Variants in OPCML observed in about 807,000 individuals in gnomAD.
OPCML encodes opioid-binding protein/cell adhesion molecule.
Under a neutral mutation model 37.8 loss-of-function variants are expected in OPCML, and 13 were observed. That is an observed-to-expected ratio of 0.34 (90% CI 0.22 to 0.55). The LOEUF (loss-of-function observed/expected upper bound fraction) is 0.55. OPCML is among the 20% of genes least tolerant of loss of function. The pLI, the probability that OPCML is intolerant of heterozygous loss-of-function variation, is 0.91. For missense variants in OPCML, 341 were observed against 435.6 expected (o/e 0.78, Z 1.93); for synonymous variants, 176 against 168.8 (o/e 1.04, Z -0.33).
intron 1 of OPCML, among the ~76,000 whole-genome samples, chr11:133,479,302 A>G (rs966165204): frequency 1.3e-5 from 2 of 152,172 alleles, no homozygotes; most frequent in Non-Finnish European, 2.9e-5. Context: ...ACAGTGGCAC[A>G]TTCATGGCCA....
rs547932886 is a variant in OPCML, at chr11:132,943,981, T to A, written c.62-971A>T. ...ATCCCTGACCGCCACTTTCTCCCGG[T>A]GCCGCCTCGGAGCGAGCGGGCTGGC... On this transcript the variant is annotated intron_variant, in intron 1 of 7. Coordinates refer to ENST00000524381, the MANE Select transcript of OPCML (RefSeq NM_001012393.5). This position sits in a 1 kb window ranked among gnomAD's most constrained non-coding sequence, Gnocchi z 4.3. Among the ~76,000 whole-genome samples the A allele has an allele frequency of 4.6e-5, 7 of 151,876 alleles. No individual in the cohort carries two copies. Among genetic ancestry groups the A allele is most frequent in the Admixed American group, 3.3e-4 (5 of 15,280 alleles).
At position 133,504,031 on chromosome 11, in the gene OPCML, T is replaced by C. The variant is rs143575828; in HGVS notation, c.61+28233A>G. 2.6e-5 allele frequency among the ~76,000 whole-genome samples: 4 copies of C among 151,812 alleles called. No homozygotes were observed. The East Asian group carries it at 7.7e-4, about 29-fold the overall frequency. On this transcript the variant is annotated intron_variant, in intron 1 of 7. Coordinates refer to ENST00000524381, the MANE Select transcript of OPCML (RefSeq NM_001012393.5). ...ACGGGCTTCCTGAGGAAGACTCTAC[T>C]AGCCCCAGGTCCCACATTCTCAAAG...
At chr11:132,641,318 G>A (rs978659246) in intron 3 of OPCML, among the ~76,000 whole-genome samples, 2 of 152,138 alleles carry the variant, frequency 1.3e-5, no homozygotes, top group Non-Finnish European at 2.9e-5. Flanking sequence ...GCCCTTCCAC[G>A]CACACCTCCA....
At chr11:132,833,963 A>G (rs1404082473) in intron 2 of OPCML, among the ~76,000 whole-genome samples, 2 of 152,224 alleles carry the variant, frequency 1.3e-5, no homozygotes, top group Non-Finnish European at 2.9e-5. Flanking sequence ...AAAAGTATTA[A>G]TAGTTTAGAA....
Position 132,816,900 on chromosome 11 carries a change from C to T in OPCML, c.146+126026G>A, listed in dbSNP as rs540155030. Among the ~76,000 whole-genome samples the T allele has an allele frequency of 3.9e-5, 6 of 152,166 alleles. No homozygotes were observed. The South Asian group carries it at 1.0e-3, about 26-fold the overall frequency. On this transcript the variant is annotated intron_variant, in intron 2 of 7. Transcript: ENST00000524381. ...TCTTTATTGATTTCATAAAATGAGG[C>T]GTGAAGAGGGAGTTGACAACAAGGG...
At chr11:133,121,517 C>G (rs1949420136) in intron 1 of OPCML, among the ~76,000 whole-genome samples, 2 of 152,162 alleles carry the variant, frequency 1.3e-5, no homozygotes, top group African/African-American at 4.8e-5. Context: ...AGCATGAGCT[C>G]TTGACACAGA....
At chr11:133,013,102 A>C (rs11223321) in intron 1 of OPCML, among the ~76,000 whole-genome samples, 36,711 of 152,044 alleles carry the variant, frequency 0.24, 5,426 homozygotes, top group African/African-American at 0.42. Context: ...TGGTCACTTG[A>C]TTATGTAGTG....
chr11:133,197,565 T>C (rs914207662), intron 1 of OPCML, among the ~76,000 whole-genome samples: 2 of 152,220 alleles, frequency 1.3e-5, no homozygotes, highest in Non-Finnish European at 2.9e-5. Flanking sequence ...ATAAGCCACT[T>C]GCTCAATTAG....
At chr11:132,874,859 T>C (rs1942950802) in intron 2 of OPCML, among the ~76,000 whole-genome samples, 1 of 152,154 alleles carries the variant, frequency 6.6e-6, no homozygotes, top group Admixed American at 6.6e-5. Flanking sequence ...AAACAAAGGC[T>C]GAGAAATGTG....
intron 1 of OPCML, among the ~76,000 whole-genome samples, chr11:133,052,371 G>A (rs1948147750): frequency 6.6e-6 from 1 of 152,186 alleles, no homozygotes. Flanking sequence ...AGTCTATGGT[G>A]TGCCTGTCAC....
intron 1 of OPCML, among the ~76,000 whole-genome samples, chr11:133,158,857 C>T (rs1278725429): frequency 1.3e-5 from 2 of 152,072 alleles, no homozygotes; most frequent in African/African-American, 4.8e-5. Context: ...CTGCTTTCCT[C>T]CTGTCTGGAG....
rs1054133058 is a variant in OPCML, at chr11:132,960,749, G to A, written c.62-17739C>T. 4.6e-5 allele frequency among the ~76,000 whole-genome samples: 7 copies of A among 152,126 alleles called. No individual in the cohort carries two copies. The South Asian group carries it at 1.0e-3, about 23-fold the overall frequency. On this transcript the variant is annotated intron_variant, in intron 1 of 7. Coordinates refer to ENST00000524381, the MANE Select transcript of OPCML (RefSeq NM_001012393.5). ...TGCTTTCGAATCTCCCCCACCCTTT[G>A]GCAATGTGCGCATTTCATTCCACAC...
rs34351764 is a variant in OPCML, at chr11:133,456,780, C to CAAAA, written c.61+75480_61+75483dup. ...TGCAGCGTGGCTGTCCCAATCAGACCAAAAAAAAAAAAAAATTCACTGAAC... is the reference window on the plus strand; with the variant it reads ...TGCAGCGTGGCTGTCCCAATCAGACCAAAAAAAAAAAAAAAAAAATTCACTGAAC... On this transcript the variant is annotated intron_variant, in intron 1 of 7. Transcript: ENST00000524381. Among the ~76,000 whole-genome samples the CAAAA allele has an allele frequency of 2.2e-3, 263 of 122,310 alleles. 1 individual carries two copies. Among genetic ancestry groups the CAAAA allele is most frequent in the African/African-American group, 7.0e-3 (252 of 36,098 alleles). 80.2% of individuals were successfully genotyped at this position (122,310 alleles called of 152,430 possible). A position where few individuals can be genotyped will look rare whatever the true frequency, so the allele number is the denominator to read the frequency against.
chr11:132,485,065 T>C (rs1471227129), intron 4 of OPCML, among the ~76,000 whole-genome samples: 2 of 150,914 alleles, frequency 1.3e-5, no homozygotes, highest in African/African-American at 4.9e-5. Context: ...ACTTAAAGTA[T>C]AATAATAAAA....
chr11:132,797,933 G>A (rs866571082), intron 2 of OPCML, among the ~76,000 whole-genome samples: 8 of 152,226 alleles, frequency 5.3e-5, no homozygotes, highest in Middle Eastern at 3.4e-3. Context: ...AGTTGGCCAC[G>A]TTGATTGACT....
rs543840632 is a variant in OPCML, at chr11:133,431,213, A to G, written c.61+101051T>C. On this transcript the variant is annotated intron_variant, in intron 1 of 7. Coordinates refer to ENST00000524381, the MANE Select transcript of OPCML (RefSeq NM_001012393.5). ...AATTAAATGTTATTTATTTAAAATC[A>G]TTCGCTAAATCCTAGTTAAACGTCA... Among the ~76,000 whole-genome samples, 99 of 152,322 alleles carry G rather than the reference A, an allele frequency of 6.5e-4. 1 individual carries two copies. The highest frequency in any genetic ancestry group is 1.2e-3 in the Non-Finnish European group (79 of 68,014).
intron 3 of OPCML, among the ~76,000 whole-genome samples, chr11:132,604,157 A>T (rs2437824): frequency 0.72 from 110,064 of 152,034 alleles, 40,205 homozygotes; most frequent in East Asian, 0.87. Flanking sequence ...CTCATGTGTG[A>T]CCTCTGTTGG....
chr11:132,821,083 A>T (rs945212665), intron 2 of OPCML, among the ~76,000 whole-genome samples: 14 of 152,218 alleles, frequency 9.2e-5, no homozygotes, highest in African/African-American at 2.9e-4. Flanking sequence ...AGTGAGGTCA[A>T]GAGGCCAGGA....
chr11:132,975,993 A>C (rs1366080828), intron 1 of OPCML, among the ~76,000 whole-genome samples: 1 of 152,148 alleles, frequency 6.6e-6, no homozygotes, highest in Admixed American at 6.5e-5. Context: ...GATGGTCTCG[A>C]TCTCCTGACC....
Sources: allele counts gnomAD v4.1 joint callset (sites outside exome capture counted in the v4.1 genomes callset), GRCh38; gene constraint gnomAD v4.1.1; non-coding constraint Gnocchi (gnomAD v3.1); transcripts MANE v1.5; gene names NCBI Gene and HGNC (gene_info 2026-07-23, HGNC 2026-07-21).